SLC25A26: variants seen among roughly 807,000 people sequenced by gnomAD.
SLC25A26 encodes the protein solute carrier family 25 member 26, also known as mitochondrial S-adenosylmethionine carrier protein.
A neutral mutation model predicts 37.8 loss-of-function variants in SLC25A26; 36 were observed. The observed-to-expected ratio is 0.95, with a 90% CI of 0.73 to 1.26. SLC25A26 has a LOEUF of 1.26. SLC25A26 is among the 50% of genes most tolerant of loss of function. The pLI is 0.00. For missense variants in SLC25A26, 390 were observed against 331.1 expected, an observed-to-expected ratio of 1.18 and a Z score of -1.38; for synonymous variants, 129 against 122.5, an observed-to-expected ratio of 1.05 and a Z score of -0.35.
chr3:66,216,188 A>G (rs996930904), upstream of SLC25A26, among the ~76,000 whole-genome samples: 26 of 152,224 alleles, frequency 1.7e-4, no homozygotes, highest in Non-Finnish European at 4.4e-5. Context: ...TGGGGGACAC[A>G]TTCAGATCTT....
intron 5 of SLC25A26, among the ~76,000 whole-genome samples, chr3:66,302,033 T>G (rs1490806875): frequency 1.3e-5 from 2 of 152,230 alleles, no homozygotes; most frequent in East Asian, 3.8e-4. Flanking sequence ...AATTTATGAT[T>G]ATTGTTGTGA....
At chr3:66,236,110 C>G (rs2072265327) in intron 1 of SLC25A26, among the ~76,000 whole-genome samples, 1 of 151,330 alleles carries the variant, frequency 6.6e-6, no homozygotes, top group Admixed American at 6.6e-5. Context: ...TGATGTCTCA[C>G]TGTGTTGCAC....
rs116495894 is a variant in SLC25A26 at position 66,248,259 on chromosome 3, T to C, written c.300+4947T>C. ...TCTACCTTATGTTTGCAATTTAGAA[T>C]ACAGTAAAATCAGTCAAATAAGATT... On this transcript the variant is annotated intron_variant, in intron 3 of 9. Coordinates refer to ENST00000354883, the MANE Select transcript of SLC25A26 (RefSeq NM_001379210.1). 4.8e-3 allele frequency among the ~76,000 whole-genome samples: 735 copies of C among 152,334 alleles called. 13 individuals are homozygous for C. The highest frequency in any genetic ancestry group is 0.013 in the African/African-American group (536 of 41,568).
intron 5 of SLC25A26, among the ~76,000 whole-genome samples, chr3:66,270,406 A>C (rs1178149066): frequency 6.6e-6 from 1 of 152,214 alleles, no homozygotes; most frequent in Non-Finnish European, 1.5e-5. Flanking sequence ...TACATAATTC[A>C]TTTTATTAAC....
At chr3:66,149,868 T>A (rs2070174454) in intron 1 of SLC25A26, among the ~76,000 whole-genome samples, 1 of 152,334 alleles carries the variant, frequency 6.6e-6, no homozygotes, top group Non-Finnish European at 1.5e-5. Context: ...ACCATGACTC[T>A]TGTGATCCTT....
intron 1 of SLC25A26, among the ~76,000 whole-genome samples, chr3:66,168,200 T>TACACACACACAC (rs562006470): frequency 8.7e-6 from 1 of 115,492 alleles, no homozygotes; most frequent in South Asian, 3.0e-4. Context: ...TATATATATA[T>TACACACACACAC]ACACACACAC....
intron 5 of SLC25A26, among the ~76,000 whole-genome samples, chr3:66,298,923 A>G (rs1300786985): frequency 2.0e-5 from 3 of 152,198 alleles, no homozygotes; most frequent in African/African-American, 4.8e-5. Context: ...CCCAAGTTAC[A>G]TAGAAACAGT....
intron 5 of SLC25A26, among the ~76,000 whole-genome samples, chr3:66,315,893 T>A (rs1164399748): frequency 6.6e-6 from 1 of 152,202 alleles, no homozygotes; most frequent in African/African-American, 2.4e-5. Flanking sequence ...TTTTAATGTT[T>A]GTTGGTTTAA....
intron 3 of SLC25A26, among the ~76,000 whole-genome samples, chr3:66,246,479 A>G (rs2072846883): frequency 6.6e-6 from 1 of 152,218 alleles, no homozygotes; most frequent in Admixed American, 6.5e-5. Context: ...TGATGCTCCT[A>G]GTATCTGTAA....
At position 66,293,888 on chromosome 3, in the gene SLC25A26, C is replaced by T. The variant is rs186770955; in HGVS notation, c.453+30509C>T. On this transcript the variant is annotated intron_variant, in intron 5 of 9. Coordinates refer to ENST00000354883, the MANE Select transcript of SLC25A26 (RefSeq NM_001379210.1). ...CTTTATGATAGAAGGATTAATATTC[C>T]TTTGGGTATATACTCAGTAATGGAG... 3.2e-4 allele frequency among the ~76,000 whole-genome samples: 49 copies of T among 152,178 alleles called. No individual in the cohort carries two copies. The East Asian group carries it at 7.9e-3, about 25-fold the overall frequency.
At chr3:66,300,734 A>C (rs2075053181) in intron 5 of SLC25A26, among the ~76,000 whole-genome samples, 1 of 152,164 alleles carries the variant, frequency 6.6e-6, no homozygotes, top group Non-Finnish European at 1.5e-5. Context: ...AGGAAATATA[A>C]ATATTTTAGA....
In SLC25A26 at chr3:66,172,410, GA is replaced by G. The variant is rs1199322248; in HGVS notation, c.-354+38446del. ...TGGGCCAGAGAGTGATACCTGTAAA[GA>G]AAAAAAAAAAAAAAAAAAAGGAAAA... is the stretch of plus-strand genomic sequence containing the variant. On this transcript the variant is annotated intron_variant, in intron 1 of 10. Coordinates refer to the SLC25A26 transcript ENST00000676754. Among the ~76,000 whole-genome samples, 252 of 75,210 alleles carry G rather than the reference GA, an allele frequency of 3.4e-3. 1 individual carries two copies. Among genetic ancestry groups the G allele is most frequent in the South Asian group, 0.013 (21 of 1,658 alleles). The allele number at this position is 75,210 out of a possible 152,430, so 49.3% of individuals were successfully genotyped here.
At chr3:66,196,553 G>C (rs1027219100) in intron 1 of SLC25A26, among the ~76,000 whole-genome samples, 6 of 152,154 alleles carry the variant, frequency 3.9e-5, no homozygotes, top group Middle Eastern at 6.8e-3. Context: ...TTAGAAAGTG[G>C]AGCTAATTCT....
intron 5 of SLC25A26, among the ~76,000 whole-genome samples, chr3:66,328,736 C>A (rs940307965): frequency 6.6e-6 from 1 of 152,128 alleles, no homozygotes; most frequent in Non-Finnish European, 1.5e-5. Context: ...CACTTAGTTT[C>A]TCTTTATAAG....
chr3:66,155,816 TCTC>T (rs1396246867), intron 1 of SLC25A26, among the ~76,000 whole-genome samples: 2 of 152,076 alleles, frequency 1.3e-5, no homozygotes, highest in East Asian at 3.9e-4. Flanking sequence ...TCTCCTCTCA[TCTC>T]CTCACATCCT....
intron 3 of SLC25A26, among the ~76,000 whole-genome samples, chr3:66,250,304 A>G (rs1031636567): frequency 6.6e-6 from 1 of 152,200 alleles, no homozygotes; most frequent in African/African-American, 2.4e-5. Context: ...TTGAGGATGA[A>G]ATGACAGGAT....
chr3:66,345,629 C>G (rs1332306759), intron 5 of SLC25A26, among the ~76,000 whole-genome samples: 1 of 151,866 alleles, frequency 6.6e-6, no homozygotes, highest in Non-Finnish European at 1.5e-5. Flanking sequence ...TGCTCCCTCT[C>G]TCTGCTCTGT....
chr3:66,346,296 G>A lies in SLC25A26; in HGVS notation c.454-68G>A, dbSNP rs974087026. ...AAGTTGAAATAATATTTACAGGCTC[G>A]TATAGTCATACAGGCAAACTTGGCT... On this transcript the variant is annotated intron_variant, in intron 5 of 9. Transcript: ENST00000354883. 76 of 720,030 alleles carry A rather than the reference G, an allele frequency of 1.1e-4. No homozygotes were observed. The East Asian group carries it at 1.4e-3, about 13-fold the overall frequency. The allele number at this position is 720,030 out of a possible 1,614,324, so 44.6% of individuals were successfully genotyped here.
Position 66,179,718 on chromosome 3 carries a change from C to T in SLC25A26, c.-353-41024C>T, listed in dbSNP as rs147037946. ...TCCATAAGAACTTCTTGTTACTGGGCTTTTTTTTTTCTTGTTATGATTACA... is the reference window on the plus strand; with the variant it reads ...TCCATAAGAACTTCTTGTTACTGGGTTTTTTTTTTTCTTGTTATGATTACA... On this transcript the variant is annotated intron_variant, in intron 1 of 10. Coordinates refer to the SLC25A26 transcript ENST00000676754. Among the ~76,000 whole-genome samples the T allele has an allele frequency of 4.0e-5, 6 of 148,844 alleles. No individual in the cohort carries two copies. The South Asian group carries it at 6.4e-4, about 16-fold the overall frequency.
Sources: gnomAD v4.1 joint callset for allele counts (sites outside exome capture counted in the v4.1 genomes callset) on GRCh38, gnomAD v4.1.1 for gene constraint, MANE v1.5 for transcripts, NCBI Gene and HGNC (gene_info 2026-07-23, HGNC 2026-07-21) for gene names.